KCNH7: variants seen among roughly 807,000 people sequenced by gnomAD.
The protein encoded by KCNH7 is potassium voltage-gated channel subfamily H member 7, also known as voltage-gated inwardly rectifying potassium channel KCNH7.
A neutral mutation model predicts 120.8 loss-of-function variants in KCNH7; 49 were observed. The observed-to-expected ratio is 0.41, with a 90% CI of 0.32 to 0.51. The LOEUF (loss-of-function observed/expected upper bound fraction) is 0.51. KCNH7 is among the 20% of genes least tolerant of loss of function. The pLI is 0.38. For missense variants in KCNH7, 1,097 were observed against 1,446.6 expected (o/e 0.76, Z 3.92); for synonymous variants, 547 against 516.1 (o/e 1.06, Z -0.81).
intron 6 of KCNH7, among the ~76,000 whole-genome samples, chr2:162,485,632 C>T (rs995380961): frequency 6.6e-6 from 1 of 151,846 alleles, no homozygotes; most frequent in Non-Finnish European, 1.5e-5. Flanking sequence ...AGATTCTGAA[C>T]GTAGTAAGAA....
At chr2:162,694,477 AGT>A (rs71009366) in intron 2 of KCNH7, among the ~76,000 whole-genome samples, 4,215 of 145,548 alleles carry the variant, frequency 0.029, 104 homozygotes, top group East Asian at 0.12. Context: ...TGTGTGAAAG[AGT>A]GTGTGTGTGT....
intron 6 of KCNH7, among the ~76,000 whole-genome samples, chr2:162,497,588 A>ACAGAAT (rs1372210329): frequency 6.6e-5 from 10 of 152,170 alleles, no homozygotes; most frequent in South Asian, 2.1e-4. Context: ...GGGAAACAGA[A>ACAGAAT]CAGAATCATA....
At chr2:162,786,984 C>T (rs536511890) in intron 2 of KCNH7, among the ~76,000 whole-genome samples, 14 of 152,296 alleles carry the variant, frequency 9.2e-5, no homozygotes, top group East Asian at 3.9e-4. Flanking sequence ...CAACCTTCCC[C>T]GAAAACCATG....
intron 7 of KCNH7, among the ~76,000 whole-genome samples, chr2:162,440,917 A>T (rs1223180601): frequency 1.3e-5 from 2 of 152,140 alleles, no homozygotes; most frequent in Non-Finnish European, 2.9e-5. Context: ...ATATTTTTTA[A>T]ATGATAATTT....
chr2:162,656,149 T>A (rs1301302988), intron 2 of KCNH7, among the ~76,000 whole-genome samples: 1 of 152,204 alleles, frequency 6.6e-6, no homozygotes, highest in Non-Finnish European at 1.5e-5. Context: ...ATTTGAAAGA[T>A]CTGTGTGGAT....
intron 2 of KCNH7, among the ~76,000 whole-genome samples, chr2:162,682,397 G>T (rs1685741118): frequency 6.8e-6 from 1 of 147,594 alleles, no homozygotes; most frequent in Non-Finnish European, 1.5e-5. Context: ...AATAAGTCTA[G>T]TTGTCCTGAG....
intron 2 of KCNH7, among the ~76,000 whole-genome samples, chr2:162,786,478 C>T (rs972418906): frequency 3.3e-5 from 5 of 152,096 alleles, no homozygotes; most frequent in Non-Finnish European, 1.5e-5. Flanking sequence ...CCTGGGAATG[C>T]GACTTTTTGA....
intron 2 of KCNH7, among the ~76,000 whole-genome samples, chr2:162,807,023 G>A (rs531251357): frequency 6.6e-6 from 1 of 151,454 alleles, no homozygotes; most frequent in South Asian, 2.1e-4. Flanking sequence ...AGAAAGTAGA[G>A]TAATAAAAAT....
At chr2:162,703,601 A>G (rs1406566874) in intron 2 of KCNH7, among the ~76,000 whole-genome samples, 1 of 152,196 alleles carries the variant, frequency 6.6e-6, no homozygotes, top group Non-Finnish European at 1.5e-5. Context: ...TTAAACACGG[A>G]GAATGTTAAA....
At chr2:162,372,176 G>T in intron 15 of KCNH7, 81 bp from the exon 16 acceptor site, 1 of 1,153,932 alleles carries the variant, frequency 8.7e-7, no homozygotes, top group Non-Finnish European at 1.2e-6. Flanking sequence ...AAAAACTTAA[G>T]CATTTTCTTT....
intron 2 of KCNH7, among the ~76,000 whole-genome samples, chr2:162,809,956 C>A (rs1684682731): frequency 5.5e-5 from 1 of 18,156 alleles, no homozygotes; most frequent in Non-Finnish European, 1.5e-4. Flanking sequence ...CGCTCTGTCG[C>A]CCAGGCTGGA....
intron 8 of KCNH7, among the ~76,000 whole-genome samples, chr2:162,429,333 G>T: frequency 7.5e-6 from 1 of 133,206 alleles, no homozygotes. Context: ...ATTATTTTTT[G>T]CTTTAAGGAG....
chr2:162,838,514 G>A lies in KCNH7; in HGVS notation c.5C>T (p.Pro2Leu), dbSNP rs1437566208. ...TGGTGCCACATGCCCCCTGCGCACA[G>A]GCATGTTGGCCCCGGTCTTCCGAGG... Reference protein sequence around the residue: MPVRRGHVAPQN... With the variant: MLVRRGHVAPQN... Residue 2 changes from proline (P) to leucine (L), a missense_variant, in exon 1 of 16, where the codon CCT (proline) becomes CTT (leucine). Physicochemically the swap from Pro to Leu is moderately conservative, Grantham distance 98. Transcript: ENST00000332142. 3 of 1,612,454 alleles carry A rather than the reference G, an allele frequency of 1.9e-6. No homozygotes were observed. In the South Asian group the frequency reaches 3.3e-5, roughly 18 times the overall value.
chr2:162,731,904 A>C (rs1687743533), intron 2 of KCNH7, among the ~76,000 whole-genome samples: 1 of 152,202 alleles, frequency 6.6e-6, no homozygotes, highest in Non-Finnish European at 1.5e-5. Flanking sequence ...TTACAAAAAT[A>C]TAAATATAAG....
At chr2:162,537,162 CTT>C in intron 2 of KCNH7, 82 bp from the exon 3 acceptor site, 1 of 1,083,024 alleles carries the variant, frequency 9.2e-7, no homozygotes, top group East Asian at 2.5e-5. Context: ...GAAATATACT[CTT>C]AAGGAAATTT....
chr2:162,782,682 G>A (rs922580924), intron 2 of KCNH7, among the ~76,000 whole-genome samples: 2 of 152,180 alleles, frequency 1.3e-5, no homozygotes, highest in African/African-American at 2.4e-5. Flanking sequence ...GAAAACATCT[G>A]AGTATCAAGA....
chr2:162,419,575 T>G (rs1687639981), intron 9 of KCNH7, among the ~76,000 whole-genome samples: 1 of 152,134 alleles, frequency 6.6e-6, no homozygotes, highest in Non-Finnish European at 1.5e-5. Context: ...TCTGCATTTT[T>G]TATATTATTT....
intron 2 of KCNH7, among the ~76,000 whole-genome samples, chr2:162,586,694 A>G (rs1310122765): frequency 6.6e-6 from 1 of 150,406 alleles, no homozygotes; most frequent in Non-Finnish European, 1.5e-5. Flanking sequence ...TTTCTCCTAG[A>G]AATACAATGT....
At chr2:162,436,085 T>C (rs112225683) in intron 7 of KCNH7, among the ~76,000 whole-genome samples, 1,637 of 152,052 alleles carry the variant, frequency 0.011, 29 homozygotes, top group African/African-American at 0.038. Context: ...AACAAACAAA[T>C]AATTAATTTC....
Sources: allele counts gnomAD v4.1 joint callset (sites outside exome capture counted in the v4.1 genomes callset), GRCh38; gene constraint gnomAD v4.1.1; transcripts MANE v1.5; gene names NCBI Gene and HGNC (gene_info 2026-07-23, HGNC 2026-07-21).